Variants in SLC4A5 observed in about 807,000 individuals in gnomAD.
SLC4A5 encodes electrogenic sodium bicarbonate cotransporter 4.
SLC4A5 carries 96 observed loss-of-function variants against 120.4 expected under a neutral mutation model. The ratio of observed to expected loss-of-function variants is 0.80; its 90% CI spans 0.68 to 0.94. The LOEUF is 0.94. SLC4A5 is among the 40% of genes least tolerant of loss of function. The pLI is 0.00. For synonymous variants in SLC4A5, 550 were observed against 571.1 expected, an observed-to-expected ratio of 0.96 and a Z score of 0.53; for missense variants, 1,259 against 1,459.5, an observed-to-expected ratio of 0.86 and a Z score of 2.24.
rs1271117190 is a variant in SLC4A5 at position 74,255,365 on chromosome 2, T to C, written c.1025+410A>G. Among the ~76,000 whole-genome samples the C allele has an allele frequency of 6.6e-6, 1 of 152,136 alleles. No individual in the cohort carries two copies. Among genetic ancestry groups the C allele is most frequent in the Non-Finnish European group, 1.5e-5 (1 of 68,034 alleles). ...TGGGGTGCAATAGCATGATCTCGGC[T>C]CACTGCAACCTCTGCCTCCCGGGTT... is the stretch of plus-strand genomic sequence containing the variant. On this transcript the variant is annotated intron_variant, in intron 13 of 30. Coordinates refer to ENST00000394019, the Ensembl canonical transcript of SLC4A5. The surrounding 1 kb of genome is among the most constrained non-coding windows in gnomAD (Gnocchi z 4.0).
intron 8 of SLC4A5, among the ~76,000 whole-genome samples, chr2:74,279,850 A>G (rs1191483884): frequency 6.6e-6 from 1 of 152,110 alleles, no homozygotes; most frequent in Non-Finnish European, 1.5e-5. Flanking sequence ...ATCTGTCCCC[A>G]CGTGCCATCT....
chr2:74,319,661 C>G (rs1673049343), intron 5 of SLC4A5, among the ~76,000 whole-genome samples: 2 of 152,118 alleles, frequency 1.3e-5, no homozygotes, highest in African/African-American at 4.8e-5. Context: ...AGTGCATTCT[C>G]TCTCTTTTTC....
intron 19 of SLC4A5, among the ~76,000 whole-genome samples, chr2:74,245,978 G>C (rs967714754): frequency 2.0e-5 from 3 of 152,146 alleles, no homozygotes; most frequent in Admixed American, 2.0e-4. Context: ...GACCTTGGGT[G>C]GTCTCTGGAC....
chr2:74,307,429 G>A (rs759478839), intron 6 of SLC4A5: 92 of 632,118 alleles, frequency 1.5e-4, no homozygotes, highest in Non-Finnish European at 1.3e-4. Context: ...AGCTACAGCC[G>A]AGTGACACTG....
At chr2:74,227,542 A>C (rs1694889919) in intron 26 of SLC4A5, 2 of 1,612,386 alleles carry the variant, frequency 1.2e-6, no homozygotes. Flanking sequence ...CTGGATTTTG[A>C]ATTCTGACCC....
chr2:74,279,311 G>A lies in SLC4A5; in HGVS notation c.401+6462C>T, dbSNP rs1671739095. On this transcript the variant is annotated intron_variant, in intron 8 of 30. Coordinates refer to ENST00000394019, the Ensembl canonical transcript of SLC4A5. ...ACCCCTCCTCAGACTGCGGGAGTAG[G>A]TCCATCCTGCGGATGCGCTTCAGTT... Among the ~76,000 whole-genome samples the A allele has an allele frequency of 2.6e-5, 4 of 152,144 alleles. No individual in the cohort carries two copies. In the South Asian group the frequency reaches 8.3e-4, roughly 32 times the overall value.
intron 5 of SLC4A5, among the ~76,000 whole-genome samples, chr2:74,327,736 G>GT (rs1325489769): frequency 6.6e-6 from 1 of 152,144 alleles, no homozygotes; most frequent in East Asian, 1.9e-4. Flanking sequence ...TACTTCATAA[G>GT]TATTTCAGCC....
intron 30 of SLC4A5, among the ~76,000 whole-genome samples, chr2:74,220,331 G>T (rs1003690317): frequency 2.6e-5 from 4 of 152,152 alleles, no homozygotes; most frequent in African/African-American, 9.6e-5. Flanking sequence ...ATCTCCAGTT[G>T]ATCTCTGATG....
chr2:74,252,095 TG>T, intron 16 of SLC4A5, 83 bp downstream of exon 16: 3 of 1,447,580 alleles, frequency 2.1e-6, no homozygotes, highest in Non-Finnish European at 1.9e-6. Context: ...CTACAGACCA[TG>T]GTTGGGAAAA....
At chr2:74,337,212 CTGCTGGG>C (rs1266708108) in intron 3 of SLC4A5, among the ~76,000 whole-genome samples, 2 of 152,284 alleles carry the variant, frequency 1.3e-5, no homozygotes, top group African/African-American at 4.8e-5. Context: ...AACAGAACAG[CTGCTGGG>C]TGTATCTAGG....
At chr2:74,240,944 G>C (rs1670421224) in intron 20 of SLC4A5, among the ~76,000 whole-genome samples, 1 of 152,126 alleles carries the variant, frequency 6.6e-6, no homozygotes, top group East Asian at 1.9e-4. Context: ...ATCTGGAATT[G>C]AACTTCTATC....
At chr2:74,290,834 A>G in intron 7 of SLC4A5, 1 of 868,818 alleles carries the variant, frequency 1.2e-6, no homozygotes, top group Non-Finnish European at 1.4e-6. Context: ...CCCCTTCCCC[A>G]TGAGTGCTTC....
chr2:74,293,957 C>T (rs1273299303), intron 7 of SLC4A5, among the ~76,000 whole-genome samples: 4 of 151,770 alleles, frequency 2.6e-5, no homozygotes, highest in East Asian at 1.9e-4. Context: ...AGTAAAAGAG[C>T]GGGGAGTAAA....
chr2:74,254,227 A>G (rs570088335), intron 14 of SLC4A5, among the ~76,000 whole-genome samples: 1 of 152,094 alleles, frequency 6.6e-6, no homozygotes, highest in East Asian at 1.9e-4. Flanking sequence ...AAGCTCTTAC[A>G]CTGAGCCTAT....
intron 4 of SLC4A5, among the ~76,000 whole-genome samples, chr2:74,332,036 T>C (rs1673376677): frequency 6.6e-6 from 1 of 152,180 alleles, no homozygotes; most frequent in Non-Finnish European, 1.5e-5. Flanking sequence ...AGTTTCATTC[T>C]GAGGGAAAGA....
chr2:74,240,431 C>T (rs1454137972), intron 20 of SLC4A5, among the ~76,000 whole-genome samples: 4 of 152,142 alleles, frequency 2.6e-5, no homozygotes, highest in Non-Finnish European at 5.9e-5. Flanking sequence ...ATATTAAAAA[C>T]AAATTTGAGG....
At chr2:74,272,640 C>T (rs1343637351) in intron 8 of SLC4A5, among the ~76,000 whole-genome samples, 1 of 152,210 alleles carries the variant, frequency 6.6e-6, no homozygotes, top group Non-Finnish European at 1.5e-5. Context: ...ACCAGGTGCC[C>T]CGCTCCTGAC....
In SLC4A5 at chr2:74,284,192, C is replaced by T. The variant is rs1259978352; in HGVS notation, c.401+1581G>A. 8.8e-5 allele frequency among the ~76,000 whole-genome samples: 5 copies of T among 56,656 alleles called. 1 individual carries two copies. The African/African-American group carries it at 1.5e-3, about 17-fold the overall frequency. The allele number at this position is 56,656 out of a possible 152,430, so 37.2% of individuals were successfully genotyped here. A position where few individuals can be genotyped will look rare whatever the true frequency, so the allele number is the denominator to read the frequency against. ...TTTTTTTTTTTTTTTTTTTTTGAGA[C>T]GGAGTCTCGCTCTGTCGCCCAGGTC... On this transcript the variant is annotated intron_variant, in intron 8 of 30. Transcript: ENST00000394019.
Position 74,247,406 on chromosome 2 carries a change from G to A in SLC4A5, c.1788-99C>T, listed in dbSNP as rs1670647331. Reference sequence around the variant, plus strand: ...TTAAGTGGCTTATCTGTCCTCCTGTGGCACTGATGCCCTCCCAGGGACTGT... The same window carrying A: ...TTAAGTGGCTTATCTGTCCTCCTGTAGCACTGATGCCCTCCCAGGGACTGT... On this transcript the variant is annotated intron_variant, in intron 18 of 30. Transcript: ENST00000394019. 2.3e-6 allele frequency: 3 copies of A among 1,276,932 alleles called. No individual in the cohort carries two copies. The South Asian group carries it at 4.5e-5, about 19-fold the overall frequency. The allele number at this position is 1,276,932 out of a possible 1,614,324, so 79.1% of individuals were successfully genotyped here. A position where few individuals can be genotyped will look rare whatever the true frequency, so the allele number is the denominator to read the frequency against.
Sources: gnomAD v4.1 joint callset for allele counts (sites outside exome capture counted in the v4.1 genomes callset) on GRCh38, gnomAD v4.1.1 for gene constraint, Gnocchi (gnomAD v3.1) non-coding constraint, MANE v1.5 for transcripts, NCBI Gene and HGNC (gene_info 2026-07-23, HGNC 2026-07-21) for gene names.